Variants in LMLN observed in about 807,000 individuals in gnomAD.
LMLN encodes leishmanolysin like peptidase.
LMLN carries 70 observed loss-of-function variants against 92.3 expected under a neutral mutation model. The observed-to-expected ratio is 0.76, with a 90% CI of 0.63 to 0.92. The LOEUF (loss-of-function observed/expected upper bound fraction) is 0.92, where lower values mean the gene tolerates loss of function less well. LMLN is among the 40% of genes least tolerant of loss of function. LMLN has a pLI of 0.00. For synonymous variants in LMLN, 308 were observed against 296.2 expected (o/e 1.04, Z -0.41); for missense variants, 691 against 814.6 (o/e 0.85, Z 1.85).
Position 197,966,795 on chromosome 3 carries a change from A to G in LMLN, c.219+6355A>G, listed in dbSNP as rs977130427. Reference sequence around the variant, plus strand: ...TTTGTTGATGATTTTACATCTATGTATTTTTATTTTTTTAGAGACAGGGTG... The same window carrying G: ...TTTGTTGATGATTTTACATCTATGTGTTTTTATTTTTTTAGAGACAGGGTG... On this transcript the variant is annotated intron_variant, in intron 1 of 15. Coordinates refer to ENST00000330198, the Ensembl canonical transcript of LMLN. Among the ~76,000 whole-genome samples, 8 of 151,846 alleles carry G rather than the reference A, an allele frequency of 5.3e-5. 1 individual carries two copies. The highest frequency in any genetic ancestry group is 8.8e-5 in the Non-Finnish European group (6 of 67,934).
intron 11 of LMLN, among the ~76,000 whole-genome samples, chr3:198,007,327 C>A (rs923527826): frequency 2.6e-5 from 4 of 152,028 alleles, no homozygotes; most frequent in African/African-American, 7.3e-5. Context: ...ACATTTAAGT[C>A]CATGATTCAT....
Position 198,021,625 on chromosome 3 carries a change from G to C in LMLN, c.1525+20G>C, listed in dbSNP as rs1480663743. The C allele has an allele frequency of 1.2e-6, 2 of 1,604,500 alleles. No homozygotes were observed. The highest frequency in any genetic ancestry group is 2.2e-5 in the East Asian group (1 of 44,842). On this transcript the variant is annotated intron_variant, in intron 13 of 15. Transcript: ENST00000330198. Reference sequence around the variant, plus strand: ...AACCAGGTTAGTCGGCTAGTGAAATGAAGTATTATATACATATTAAAATTA... The same window carrying C: ...AACCAGGTTAGTCGGCTAGTGAAATCAAGTATTATATACATATTAAAATTA...
rs115172670 is a variant in LMLN at position 197,974,563 on chromosome 3, A to G, written c.317+89A>G. 9.5e-3 allele frequency: 6,464 copies of G among 683,192 alleles called. 39 individuals carry two copies. The highest frequency in any genetic ancestry group is 0.012 in the Non-Finnish European group (5,174 of 424,452). 42.3% of individuals were successfully genotyped at this position (683,192 alleles called of 1,614,324 possible). On this transcript the variant is annotated intron_variant, in intron 2 of 15. Transcript: ENST00000330198. ...CTGTTACCTGAAGTTCTAAGAATCC[A>G]TAGATAAAACTTAAGGACTAGTGTA...
At chr3:198,024,932 G>A in intron 14 of LMLN, 144 bp downstream of exon 15, 2 of 571,598 alleles carry the variant, frequency 3.5e-6, no homozygotes, top group South Asian at 5.8e-5. Flanking sequence ...ATATTAGTTT[G>A]GATGCTTATG....
At position 197,987,623 on chromosome 3, in the gene LMLN, T is replaced by C. The variant is rs142619017; in HGVS notation, c.929+1733T>C. 1.9e-3 allele frequency among the ~76,000 whole-genome samples: 287 copies of C among 152,354 alleles called. 3 individuals are homozygous for C. Among genetic ancestry groups the C allele is most frequent in the African/African-American group, 6.5e-3 (270 of 41,584 alleles). ...GAAAAATAAAAATTGATATCCATCGTAATTTTCTATAATAGATAAATGTGT... is the reference window on the plus strand; with the variant it reads ...GAAAAATAAAAATTGATATCCATCGCAATTTTCTATAATAGATAAATGTGT... On this transcript the variant is annotated intron_variant, in intron 8 of 15. Transcript: ENST00000330198.
intron 8 of LMLN, among the ~76,000 whole-genome samples, chr3:197,986,906 C>A (rs1364303898): frequency 7.0e-6 from 1 of 143,864 alleles, no homozygotes; most frequent in African/African-American, 2.6e-5. Flanking sequence ...GTGGTGTGAT[C>A]TCGGCTCACT....
intron 1 of LMLN, among the ~76,000 whole-genome samples, chr3:197,970,355 A>T (rs1352011548): frequency 6.6e-6 from 1 of 152,108 alleles, no homozygotes; most frequent in African/African-American, 2.4e-5. Flanking sequence ...TTGTCGTCAT[A>T]CTCACAGCTG....
intron 10 of LMLN, chr3:197,996,666 CACTA>C (rs1722025968): frequency 1.3e-5 from 2 of 153,760 alleles, no homozygotes; most frequent in African/African-American, 4.8e-5. Flanking sequence ...GTAAACAGAT[CACTA>C]ACAGAAACAA....
chr3:198,003,404 C>T (rs1184120604), intron 11 of LMLN, among the ~76,000 whole-genome samples: 3 of 152,062 alleles, frequency 2.0e-5, no homozygotes, highest in Non-Finnish European at 4.4e-5. Flanking sequence ...TTTTACAAAC[C>T]TTTTGTTTCC....
chr3:198,016,120 G>C (rs1032278740), intron 11 of LMLN, among the ~76,000 whole-genome samples: 5 of 151,006 alleles, frequency 3.3e-5, no homozygotes, highest in Non-Finnish European at 2.9e-5. Context: ...GAGCCCAGGA[G>C]GTCACAGCTG....
At chr3:198,016,329 G>T (rs1722640245) in intron 11 of LMLN, among the ~76,000 whole-genome samples, 1 of 152,086 alleles carries the variant, frequency 6.6e-6, no homozygotes, top group South Asian at 2.1e-4. Flanking sequence ...CTAATGTGAA[G>T]ATAATAGGCA....
rs892831195 is a variant in LMLN, at chr3:197,975,103, G to A, written c.348+31G>A. 4 of 1,260,484 alleles carry A rather than the reference G, an allele frequency of 3.2e-6. No homozygotes were observed. In the African/African-American group the frequency reaches 4.7e-5, roughly 15 times the overall value. 78.1% of individuals were successfully genotyped at this position (1,260,484 alleles called of 1,614,324 possible). A position where few individuals can be genotyped will look rare whatever the true frequency, so the allele number is the denominator to read the frequency against. On this transcript the variant is annotated intron_variant, in intron 3 of 15. Coordinates refer to ENST00000330198, the Ensembl canonical transcript of LMLN. The stretch of plus-strand genomic sequence containing the variant: ...TAATAAATACTCATAACTTGAATTG[G>A]ACACTTAAAATTTTATTGCATGGAA...
intron 8 of LMLN, among the ~76,000 whole-genome samples, chr3:197,987,158 A>ATTTTTTT (rs772089146): frequency 1.3e-5 from 1 of 77,602 alleles, no homozygotes; most frequent in Non-Finnish European, 2.7e-5. Context: ...ATATGTTTGA[A>ATTTTTTT]TTTTTTTTTT....
chr3:198,038,922 T>C, exon 16 of LMLN: 1 of 336,742 alleles, frequency 3.0e-6, no homozygotes, highest in Non-Finnish European at 5.5e-6. Context: ...CCCAACCACC[T>C]CGTCAGCAAC....
intron 15 of LMLN, among the ~76,000 whole-genome samples, chr3:198,037,510 TGTG>T (rs1239769451): frequency 1.3e-5 from 2 of 152,320 alleles, no homozygotes; most frequent in East Asian, 3.9e-4. Flanking sequence ...ATCAGCCACA[TGTG>T]GTGGTATGCA....
At chr3:198,021,829 T>G (rs905583833) in intron 13 of LMLN, among the ~76,000 whole-genome samples, 3 of 152,204 alleles carry the variant, frequency 2.0e-5, no homozygotes, top group African/African-American at 7.2e-5. Context: ...AATGAATTAA[T>G]GTAGTAAGTG....
At chr3:197,978,433 TAA>T (rs1300694905) in intron 5 of LMLN, among the ~76,000 whole-genome samples, 1 of 152,106 alleles carries the variant, frequency 6.6e-6, no homozygotes, top group Non-Finnish European at 1.5e-5. Context: ...TCCGGGAGTT[TAA>T]GACTAGCCTT....
At chr3:198,029,528 C>T (rs1161108926) in intron 14 of LMLN, among the ~76,000 whole-genome samples, 8 of 151,986 alleles carry the variant, frequency 5.3e-5, no homozygotes, top group East Asian at 3.9e-4. Context: ...AAAAATTAGC[C>T]GGGCATGGTG....
At chr3:198,020,911 C>T (rs2109935945) in intron 12 of LMLN, among the ~76,000 whole-genome samples, 2 of 150,042 alleles carry the variant, frequency 1.3e-5, no homozygotes, top group South Asian at 4.2e-4. Context: ...GCGTGATCCA[C>T]CATGCCCGGC....
Sources: allele counts gnomAD v4.1 joint callset (sites outside exome capture counted in the v4.1 genomes callset), GRCh38; gene constraint gnomAD v4.1.1; transcripts MANE v1.5; gene names NCBI Gene and HGNC (gene_info 2026-07-23, HGNC 2026-07-21).